The following FOXM1 variants were observed in gnomAD, a reference collection of about 807,000 sequenced individuals.
FOXM1 encodes forkhead box protein M1.
A neutral mutation model predicts 63.6 loss-of-function variants in FOXM1; 25 were observed. The observed-to-expected ratio is 0.39, with a 90% CI of 0.29 to 0.55. FOXM1 has a LOEUF of 0.55. FOXM1 is among the 20% of genes least tolerant of loss of function. The pLI is 0.60. For missense variants in FOXM1, 879 were observed against 958.7 expected (o/e 0.92, Z 1.10); for synonymous variants, 387 against 376.9 (o/e 1.03, Z -0.31).
At chr12:2,859,879 A>G (rs1472218314) in intron 8 of FOXM1, 4 of 544,532 alleles carry the variant, frequency 7.3e-6, no homozygotes, top group Non-Finnish European at 9.8e-6. Context: ...CATTCATCCG[A>G]GAGGAAATAA....
chr12:2,867,862 C>T (rs909484057), intron 4 of FOXM1, among the ~76,000 whole-genome samples: 1 of 151,230 alleles, frequency 6.6e-6, no homozygotes, highest in African/African-American at 2.4e-5. Context: ...CCTGTAGTCC[C>T]AGCTACTCGG....
chr12:2,875,809 G>A (rs2098142065), intron 1 of FOXM1, among the ~76,000 whole-genome samples: 1 of 145,728 alleles, frequency 6.9e-6, no homozygotes, highest in African/African-American at 2.6e-5. Flanking sequence ...CACCCAGGCT[G>A]GAGTGCAATG....
At position 2,859,405 on chromosome 12, in the gene FOXM1, G is replaced by T; in HGVS notation, c.1525C>A (p.Pro509Thr). 1 of 1,614,066 alleles carries T rather than the reference G, an allele frequency of 6.2e-7. No homozygotes were observed. Among genetic ancestry groups the T allele is most frequent in the Non-Finnish European group, 8.5e-7 (1 of 1,180,038 alleles). ...TAGGACTTCTTGGGTCTTGGGGTGGGAGATTGGGACGAATCCTCCCAGGAG... is the reference window on the plus strand; with the variant it reads ...TAGGACTTCTTGGGTCTTGGGGTGGTAGATTGGGACGAATCCTCCCAGGAG... ...SHSWEDSSQS[P>T]TPRPKKSYSG... The change falls in exon 9 of 9, where the codon CCC becomes ACC. Residue 509 changes from proline to threonine, a missense_variant. Pro to Thr is a conservative substitution (Grantham distance 38, BLOSUM62 -1). Around this residue, in one of 4 missense-constraint regions of FOXM1, gnomAD observed 486 missense variants for 453.5 expected, o/e 1.07. Transcript: ENST00000359843.
Position 2,864,523 on chromosome 12 carries a change from CAGGGGGACTGG to C in FOXM1, c.1091-39_1091-29del. The C allele has an allele frequency of 6.2e-7, 1 of 1,603,476 alleles. No homozygotes were observed. Among genetic ancestry groups the C allele is most frequent in the Non-Finnish European group, 8.5e-7 (1 of 1,172,170 alleles). ...AGGAGGAAACACGAGAGATCAGGAG[CAGGGGGACTGG>C]AGTACACCCCTTCTCAGCCCCAGGA... is the stretch of plus-strand genomic sequence containing the variant. On this transcript the variant is annotated intron_variant, in intron 7 of 8. Coordinates refer to ENST00000359843, the MANE Select transcript of FOXM1 (RefSeq NM_021953.4). The surrounding 1 kb of genome is among the most constrained non-coding windows in gnomAD (Gnocchi z 5.1).
At position 2,859,658 on chromosome 12, in the gene FOXM1, C is replaced by T. The variant is rs1341071619; in HGVS notation, c.1272G>A (p.Leu424=). The T allele has an allele frequency of 6.2e-7, 1 of 1,602,970 alleles. No homozygotes were observed. Among genetic ancestry groups the T allele is most frequent in the Non-Finnish European group, 8.5e-7 (1 of 1,175,864 alleles). The change falls in exon 9 of 9, where the codon CTG becomes CTA. Residue 424 remains leucine, a synonymous_variant. Coordinates refer to ENST00000359843, the MANE Select transcript of FOXM1 (RefSeq NM_021953.4). ...SKRVRIAPKV[L]LAEEGIAPLS... ...GAGGAGCTATCCCCTCCTCAGCTAG[C>T]AGCACCTGAAAGGGAAACAGAGATA...
chr12:2,869,992 C>CT (rs1183668823), intron 3 of FOXM1, among the ~76,000 whole-genome samples: 1,585 of 141,984 alleles, frequency 0.011, 13 homozygotes, highest in African/African-American at 0.03. Context: ...TAAATTTTCA[C>CT]TTTTTTTTTT....
At position 2,873,914 on chromosome 12, in the gene FOXM1, A is replaced by G. The variant is rs1209391405; in HGVS notation, c.502+63T>C. On this transcript the variant is annotated intron_variant, in intron 2 of 8. Coordinates refer to ENST00000359843, the MANE Select transcript of FOXM1 (RefSeq NM_021953.4). ...TGTTGTAAGCATCAAGACTGACTACACACCTTGCCACTACAGAGGAAAGGC... is the reference window on the plus strand; with the variant it reads ...TGTTGTAAGCATCAAGACTGACTACGCACCTTGCCACTACAGAGGAAAGGC... 3 of 1,524,052 alleles carry G rather than the reference A, an allele frequency of 2.0e-6. No individual in the cohort carries two copies. In the African/African-American group the frequency reaches 4.1e-5, roughly 21 times the overall value. 94.4% of individuals were successfully genotyped at this position (1,524,052 alleles called of 1,614,324 possible).
At position 2,858,976 on chromosome 12, in the gene FOXM1, C is replaced by G; in HGVS notation, c.1954G>C (p.Asp652His). Residue 652 changes from aspartate to histidine, a missense_variant, in exon 9 of 9, where the codon GAC (aspartate) becomes CAC (histidine). By Grantham distance (81) the Asp-to-His change is moderately conservative. Around this residue, in one of 4 missense-constraint regions of FOXM1, gnomAD observed 486 missense variants for 453.5 expected, o/e 1.07. Coordinates refer to ENST00000359843, the MANE Select transcript of FOXM1 (RefSeq NM_021953.4). ...TSQGASDPLP[D>H]PLGLMDLSTT... ...CTGAGATCCATCAGCCCCAGGGGGT[C>G]AGGCAAGGGGTCAGAGGCACCCTGG... The G allele has an allele frequency of 6.2e-7, 1 of 1,613,444 alleles. No homozygotes were observed. Among genetic ancestry groups the G allele is most frequent in the Non-Finnish European group, 8.5e-7 (1 of 1,179,880 alleles).
intron 8 of FOXM1, 41 bp from the exon 9 acceptor site, chr12:2,859,704 G>A (rs374876744): frequency 1.9e-4 from 269 of 1,452,152 alleles, no homozygotes; most frequent in Middle Eastern, 4.2e-4. Flanking sequence ...ACGGTCACCA[G>A]ACAGGACGCA....
At chr12:2,870,335 G>A (rs1201785812) in intron 3 of FOXM1, among the ~76,000 whole-genome samples, 2 of 152,168 alleles carry the variant, frequency 1.3e-5, no homozygotes, top group African/African-American at 4.8e-5. Flanking sequence ...ATTTAATGCA[G>A]GAACAGAAAA....
At chr12:2,875,692 A>T (rs2098141439) in intron 1 of FOXM1, among the ~76,000 whole-genome samples, 1 of 151,664 alleles carries the variant, frequency 6.6e-6, no homozygotes, top group Non-Finnish European at 1.5e-5. Flanking sequence ...TATCATCATT[A>T]CACTAAGGTG....
At position 2,864,398 on chromosome 12, in the gene FOXM1, C is replaced by A; in HGVS notation, c.1188G>T (p.Lys396Asn). ...NQSLVLQPSV[K>N]VPLPLAASLM... is the part of the protein sequence containing the mutation. ...GGGAAGCCGCCAGGGGCAATGGCACCTTCACCGAGGGCTGCAACACCAGTG... is the reference window on the plus strand; with the variant it reads ...GGGAAGCCGCCAGGGGCAATGGCACATTCACCGAGGGCTGCAACACCAGTG... Residue 396 changes from lysine (K) to asparagine (N), a missense_variant, in exon 8 of 9, where the codon AAG becomes AAT. By Grantham distance (94) the Lys-to-Asn change is moderately conservative. This residue lies in a region of FOXM1 where 486 missense variants were observed against 453.5 expected (regional missense o/e 1.07). Coordinates refer to ENST00000359843, the MANE Select transcript of FOXM1 (RefSeq NM_021953.4). The surrounding 1 kb of genome is among the most constrained non-coding windows in gnomAD (Gnocchi z 5.1). 1.2e-6 allele frequency: 2 copies of A among 1,614,188 alleles called. No individual in the cohort carries two copies. The highest frequency in any genetic ancestry group is 1.1e-5 in the South Asian group (1 of 91,088).
rs1279026243 is a variant in FOXM1, at chr12:2,872,531, C to A, written c.503-284G>T. 6.6e-6 allele frequency among the ~76,000 whole-genome samples: 1 copy of A among 152,100 alleles called. No individual in the cohort carries two copies. The highest frequency in any genetic ancestry group is 2.4e-5 in the African/African-American group (1 of 41,432). ...GGCTGAGACAGGAGAATTGCTCGAA[C>A]CCGGGAGACGAAGGCTGCAGTGAGC... On this transcript the variant is annotated intron_variant, in intron 2 of 8. Coordinates refer to ENST00000359843, the MANE Select transcript of FOXM1 (RefSeq NM_021953.4). This position sits in a 1 kb window ranked among gnomAD's most constrained non-coding sequence, Gnocchi z 4.0.
intron 2 of FOXM1, 80 bp downstream of exon 2, chr12:2,873,897 G>C (rs2098137509): frequency 4.2e-6 from 6 of 1,444,892 alleles, no homozygotes; most frequent in Non-Finnish European, 5.6e-6. Context: ...ACTGTTGTAA[G>C]CATCAAGACT....
intron 8 of FOXM1, among the ~76,000 whole-genome samples, chr12:2,862,115 G>T (rs998670594): frequency 6.6e-6 from 1 of 151,192 alleles, no homozygotes; most frequent in African/African-American, 2.4e-5. Context: ...GGAGGCGGAG[G>T]TTGCAGTGAG....
chr12:2,869,322 TGCA>T (rs1812463313), intron 3 of FOXM1, among the ~76,000 whole-genome samples: 1 of 152,158 alleles, frequency 6.6e-6, no homozygotes. Flanking sequence ...CAGGATAGCG[TGCA>T]GTGGCTGGAT....
At chr12:2,865,577 C>T (rs1603500580) in intron 5 of FOXM1, among the ~76,000 whole-genome samples, 178 bp from the exon 6 acceptor site, 1 of 149,830 alleles carries the variant, frequency 6.7e-6, no homozygotes, top group Admixed American at 6.6e-5. Context: ...CTCTGAAAAA[C>T]CAAAATAACT....
intron 3 of FOXM1, among the ~76,000 whole-genome samples, chr12:2,870,657 G>T (rs992793736): frequency 1.4e-5 from 2 of 145,862 alleles, no homozygotes; most frequent in Non-Finnish European, 3.0e-5. Flanking sequence ...GAGAGAATCC[G>T]TCTCAAAAAG....
chr12:2,870,987 G>A lies in FOXM1; in HGVS notation c.654+1109C>T, dbSNP rs191861350. 3.4e-4 allele frequency among the ~76,000 whole-genome samples: 49 copies of A among 145,774 alleles called. 1 individual carries two copies. In the East Asian group the frequency reaches 8.8e-3, roughly 26 times the overall value. On this transcript the variant is annotated intron_variant, in intron 3 of 8. Transcript: ENST00000359843. Reference sequence around the variant, plus strand: ...AAAAAAAAAAAAAAAAAAAAAGCAGGAGCTAAACATTGAGCACACATGGAT... The same window carrying A: ...AAAAAAAAAAAAAAAAAAAAAGCAGAAGCTAAACATTGAGCACACATGGAT...
Sources: allele counts gnomAD v4.1 joint callset (sites outside exome capture counted in the v4.1 genomes callset), GRCh38; gene constraint gnomAD v4.1.1; regional missense constraint gnomAD v4.1.1; non-coding constraint Gnocchi (gnomAD v3.1); transcripts MANE v1.5; gene names NCBI Gene and HGNC (gene_info 2026-07-23, HGNC 2026-07-21).